RELN: variants seen among roughly 807,000 people sequenced by gnomAD.
RELN encodes reelin.
RELN carries 108 observed loss-of-function variants against 427.6 expected under a neutral mutation model. The observed-to-expected ratio is 0.25, with a 90% CI of 0.22 to 0.30. RELN has a LOEUF of 0.30. Among genes scored for constraint, RELN ranks in the 10% least tolerant of loss-of-function variants. The pLI is 1.00. For missense variants in RELN, 3,715 were observed against 4,302.8 expected, an observed-to-expected ratio of 0.86 and a Z score of 3.82; for synonymous variants, 1,524 against 1,513.4, an observed-to-expected ratio of 1.01 and a Z score of -0.16.
intron 4 of RELN, among the ~76,000 whole-genome samples, chr7:103,774,547 T>G (rs1256411729): frequency 1.3e-5 from 2 of 152,198 alleles, no homozygotes; most frequent in African/African-American, 4.8e-5. Flanking sequence ...GGCACTGTGC[T>G]GTGGTATATG....
At chr7:103,985,339 C>T (rs985551359) in intron 1 of RELN, among the ~76,000 whole-genome samples, 1 of 152,208 alleles carries the variant, frequency 6.6e-6, no homozygotes, top group African/African-American at 2.4e-5. Flanking sequence ...TAATGGAACA[C>T]TTCCCCCATC....
At chr7:103,520,434 C>T (rs1368517569) in intron 48 of RELN, among the ~76,000 whole-genome samples, 2 of 152,080 alleles carry the variant, frequency 1.3e-5, no homozygotes, top group African/African-American at 4.8e-5. Flanking sequence ...TGCTACCACA[C>T]CCGGCTAATT....
chr7:103,752,424 T>A (rs1271631556), intron 5 of RELN, among the ~76,000 whole-genome samples: 1 of 152,150 alleles, frequency 6.6e-6, no homozygotes, highest in Admixed American at 6.5e-5. Context: ...AATTTTTTTT[T>A]AAAGAAACAG....
At chr7:103,530,886 T>C (rs900590736) in intron 46 of RELN, among the ~76,000 whole-genome samples, 2 of 152,182 alleles carry the variant, frequency 1.3e-5, no homozygotes, top group Non-Finnish European at 2.9e-5. Flanking sequence ...ATAGAGCAGG[T>C]ATTATTTTTC....
At chr7:103,725,797 G>C (rs1234694701) in intron 7 of RELN, among the ~76,000 whole-genome samples, 1 of 152,144 alleles carries the variant, frequency 6.6e-6, no homozygotes. Flanking sequence ...GCATGGCACA[G>C]CTGTTAAAAA....
intron 2 of RELN, among the ~76,000 whole-genome samples, chr7:103,862,188 G>A (rs1794085473): frequency 6.6e-6 from 1 of 152,200 alleles, no homozygotes; most frequent in South Asian, 2.1e-4. Context: ...GATTATTCAG[G>A]TAGTACAGAA....
chr7:103,500,983 G>A (rs772419376), intron 52 of RELN, 61 bp from the exon 53 acceptor site: 357 of 1,449,374 alleles, frequency 2.5e-4, no homozygotes, highest in Non-Finnish European at 3.3e-4. Context: ...TAGGTCCATT[G>A]TCCTGCATGT....
chr7:103,510,267 A>G (rs1353974955), intron 51 of RELN, among the ~76,000 whole-genome samples: 2 of 152,270 alleles, frequency 1.3e-5, no homozygotes, highest in Non-Finnish European at 2.9e-5. Context: ...GACTGGATAA[A>G]GAAAATGTGG....
chr7:103,723,623 A>G (rs1251558048), intron 7 of RELN, among the ~76,000 whole-genome samples: 2 of 152,212 alleles, frequency 1.3e-5, no homozygotes, highest in Non-Finnish European at 2.9e-5. Flanking sequence ...AGAACAAATG[A>G]GTAGAATAAA....
chr7:103,902,107 G>A lies in RELN; in HGVS notation c.337+14968C>T, dbSNP rs370724516. On this transcript the variant is annotated intron_variant, in intron 2 of 64. Transcript: ENST00000428762. ...ATATGGCTGACATCAGCTCCTTGCTGAAAAAGGGATAATAAGAAGAAAGAA... is the reference window on the plus strand; with the variant it reads ...ATATGGCTGACATCAGCTCCTTGCTAAAAAAGGGATAATAAGAAGAAAGAA... Among the ~76,000 whole-genome samples, 556 of 152,036 alleles carry A rather than the reference G, an allele frequency of 3.7e-3. 5 individuals carry two copies. Among genetic ancestry groups the A allele is most frequent in the African/African-American group, 0.013 (527 of 41,530 alleles).
chr7:103,532,050 T>C (rs201992960), intron 46 of RELN, among the ~76,000 whole-genome samples: 2 of 152,120 alleles, frequency 1.3e-5, no homozygotes, highest in East Asian at 3.9e-4. Flanking sequence ...TAATAGCCCA[T>C]CAATGATAGA....
At chr7:103,835,916 C>A (rs1049597776) in intron 2 of RELN, among the ~76,000 whole-genome samples, 7 of 150,558 alleles carry the variant, frequency 4.6e-5, no homozygotes, top group African/African-American at 1.7e-4. Context: ...AACTTGTTCA[C>A]ACTGTTAATA....
intron 2 of RELN, among the ~76,000 whole-genome samples, chr7:103,865,636 T>A (rs922152154): frequency 3.3e-5 from 5 of 152,008 alleles, no homozygotes; most frequent in Admixed American, 3.3e-4. Flanking sequence ...ATTAACAGAA[T>A]GAAGGATGAA....
chr7:103,914,866 C>A (rs1488510600), intron 2 of RELN, among the ~76,000 whole-genome samples: 1 of 152,146 alleles, frequency 6.6e-6, no homozygotes, highest in Non-Finnish European at 1.5e-5. Context: ...TTTTTAACCA[C>A]AGAACAATCT....
intron 15 of RELN, among the ~76,000 whole-genome samples, chr7:103,650,838 T>A (rs941925270): frequency 2.0e-5 from 3 of 152,140 alleles, no homozygotes; most frequent in African/African-American, 7.2e-5. Context: ...TTGCCCACAC[T>A]GGTCTCAAAC....
rs545536652 is a variant in RELN, at chr7:103,556,679, T to C, written c.5797+298A>G. Among the ~76,000 whole-genome samples, 10 of 152,298 alleles carry C rather than the reference T, an allele frequency of 6.6e-5. No homozygotes were observed. The South Asian group carries it at 1.9e-3, about 28-fold the overall frequency. On this transcript the variant is annotated intron_variant, in intron 38 of 64. Transcript: ENST00000428762. ...GGTTTCCACTTTTGCATCTTCCTTA[T>C]TTTCTCTTGCTGCTGCCATGTAAGA...
intron 4 of RELN, among the ~76,000 whole-genome samples, chr7:103,773,188 TTTCTTTCTTTCTCTCTC>T (rs1791631253): frequency 8.2e-6 from 1 of 121,342 alleles, no homozygotes; most frequent in African/African-American, 3.5e-5. Flanking sequence ...CCTTCTTTCT[TTTCTTTCTTTCTCTCTC>T]TCTCTCTCTC....
chr7:103,895,978 C>T (rs1198154912), intron 2 of RELN, among the ~76,000 whole-genome samples: 1 of 152,042 alleles, frequency 6.6e-6, no homozygotes, highest in Non-Finnish European at 1.5e-5. Flanking sequence ...ATATTACAAA[C>T]TACTATTACT....
intron 1 of RELN, among the ~76,000 whole-genome samples, chr7:103,937,653 C>A (rs1195393567): frequency 6.6e-6 from 1 of 152,150 alleles, no homozygotes; most frequent in Non-Finnish European, 1.5e-5. Flanking sequence ...AGCTAATGTC[C>A]AGGTACTCTC....
Sources: allele counts gnomAD v4.1 joint callset (sites outside exome capture counted in the v4.1 genomes callset), GRCh38; gene constraint gnomAD v4.1.1; transcripts MANE v1.5; gene names NCBI Gene and HGNC (gene_info 2026-07-23, HGNC 2026-07-21).